The following CD58 variants were observed in gnomAD, a reference collection of about 807,000 sequenced individuals.
CD58 encodes the protein CD58 molecule, also known as lymphocyte function-associated antigen 3.
A neutral mutation model predicts 27.6 loss-of-function variants in CD58; 14 were observed. The observed-to-expected ratio is 0.51, with a 90% confidence interval of 0.34 to 0.79. The LOEUF (loss-of-function observed/expected upper bound fraction) is 0.79. CD58 is among the 30% of genes least tolerant of loss of function. The probability of loss-of-function intolerance (pLI) is 0.02; values close to 1 mark genes in which losing one functional copy is unlikely to be tolerated. For synonymous variants in CD58, 117 were observed against 103.8 expected, an observed-to-expected ratio of 1.13 and a Z score of -0.77; for missense variants, 268 against 301.7, an observed-to-expected ratio of 0.89 and a Z score of 0.83.
At chr1:116,556,084 C>T (rs181629524) in intron 1 of CD58, among the ~76,000 whole-genome samples, 78 of 151,862 alleles carry the variant, frequency 5.1e-4, no homozygotes, top group African/African-American at 1.8e-3. Flanking sequence ...GGTGAAACCC[C>T]GTCTCTACTA....
chr1:116,555,751 T>C (rs753369186), intron 1 of CD58, among the ~76,000 whole-genome samples: 31 of 152,238 alleles, frequency 2.0e-4, no homozygotes, highest in Non-Finnish European at 3.1e-4. Context: ...CCAAGTTTTA[T>C]AGATGAAGTA....
intron 1 of CD58, among the ~76,000 whole-genome samples, chr1:116,547,493 T>A (rs1220488231): frequency 6.7e-6 from 1 of 148,578 alleles, no homozygotes; most frequent in Non-Finnish European, 1.5e-5. Flanking sequence ...GCCCGGCTAA[T>A]TTTTTTTTTG....
At chr1:116,540,835 G>A (rs1244634705) in intron 2 of CD58, among the ~76,000 whole-genome samples, 3 of 151,990 alleles carry the variant, frequency 2.0e-5, no homozygotes, top group Non-Finnish European at 4.4e-5. Flanking sequence ...TTTGAGGCAG[G>A]GTCTTGGTCT....
At position 116,534,062 on chromosome 1, in the gene CD58, G is replaced by T; in HGVS notation, c.628+1903C>A. On this transcript the variant is annotated intron_variant, in intron 3 of 5. Transcript: ENST00000369489. This position sits in a 1 kb window ranked among gnomAD's most constrained non-coding sequence, Gnocchi z 5.3. ...TTAGCAGCTTCCACGAAATCTGAAG[G>T]AACCCCATCTGAAAAACTGTTATCT... The T allele has an allele frequency of 1.1e-6, 1 of 929,032 alleles. No individual in the cohort carries two copies. The allele number at this position is 929,032 out of a possible 1,614,324, so 57.5% of individuals were successfully genotyped here. A position where few individuals can be genotyped will look rare whatever the true frequency, so the allele number is the denominator to read the frequency against.
chr1:116,537,057 A>G (rs577186642), intron 2 of CD58, among the ~76,000 whole-genome samples: 21 of 152,316 alleles, frequency 1.4e-4, no homozygotes, highest in Middle Eastern at 3.4e-3. Context: ...GGAGTTCAAG[A>G]CCAGCCTGGG....
At chr1:116,547,394 C>T (rs1658219181) in intron 1 of CD58, among the ~76,000 whole-genome samples, 3 of 150,050 alleles carry the variant, frequency 2.0e-5, no homozygotes, top group South Asian at 4.2e-4. Flanking sequence ...GGCGTGATCT[C>T]GGCTCACTAA....
In CD58 at chr1:116,550,300, A is replaced by T. The variant is rs1374558088; in HGVS notation, c.71-5696T>A. On this transcript the variant is annotated intron_variant, in intron 1 of 5. Transcript: ENST00000369489. The surrounding 1 kb of genome is among the most constrained non-coding windows in gnomAD (Gnocchi z 4.2). Reference sequence around the variant, plus strand: ...AAAACTGCTTTCAAAATTAGAGTAAATTTTCTCAAATCCTGCTGCTGCTTT... The same window carrying T: ...AAAACTGCTTTCAAAATTAGAGTAATTTTTCTCAAATCCTGCTGCTGCTTT... Among the ~76,000 whole-genome samples the T allele has an allele frequency of 6.6e-6, 1 of 152,186 alleles. No homozygotes were observed. The highest frequency in any genetic ancestry group is 2.4e-5 in the African/African-American group (1 of 41,428).
At chr1:116,551,867 C>G (rs567597120) in intron 1 of CD58, among the ~76,000 whole-genome samples, 2 of 151,804 alleles carry the variant, frequency 1.3e-5, no homozygotes, top group Non-Finnish European at 2.9e-5. Context: ...AGCCTCCCAA[C>G]CAGCTGGGAT....
At chr1:116,566,015 C>A (rs1658921217) in intron 1 of CD58, among the ~76,000 whole-genome samples, 1 of 152,068 alleles carries the variant, frequency 6.6e-6, no homozygotes, top group Non-Finnish European at 1.5e-5. Flanking sequence ...CTGCACCCGG[C>A]CAGAATCCAA....
chr1:116,543,633 G>A (rs1027508741), intron 2 of CD58, among the ~76,000 whole-genome samples: 6 of 152,054 alleles, frequency 3.9e-5, no homozygotes, highest in Non-Finnish European at 7.4e-5. Flanking sequence ...AGTTTAAAAT[G>A]GTGCAGGAGC....
In CD58 at chr1:116,532,080, A is replaced by G. The variant is rs182259003; in HGVS notation, c.628+3885T>C. On this transcript the variant is annotated intron_variant, in intron 3 of 5. Coordinates refer to ENST00000369489, the MANE Select transcript of CD58 (RefSeq NM_001779.3). The surrounding 1 kb of genome is among the most constrained non-coding windows in gnomAD (Gnocchi z 5.1). ...TCCCAGCCCAGCCCCTCACTGGAGA[A>G]CACTGCCGAATCCCAACTCCGGCAG... Among the ~76,000 whole-genome samples, 60 of 152,354 alleles carry G rather than the reference A, an allele frequency of 3.9e-4. No individual in the cohort carries two copies. The highest frequency in any genetic ancestry group is 1.4e-3 in the African/African-American group (58 of 41,592).
intron 2 of CD58, among the ~76,000 whole-genome samples, chr1:116,542,133 C>T (rs1658007481): frequency 6.6e-6 from 1 of 152,182 alleles, no homozygotes; most frequent in African/African-American, 2.4e-5. Flanking sequence ...ACAAAATTAG[C>T]CAGGCATGGT....
Position 116,531,593 on chromosome 1 carries a change from A to G in CD58, c.628+4372T>C, listed in dbSNP as rs1306930887. Among the ~76,000 whole-genome samples, 2 of 152,246 alleles carry G rather than the reference A, an allele frequency of 1.3e-5. No individual in the cohort carries two copies. The highest frequency in any genetic ancestry group is 2.9e-5 in the Non-Finnish European group (2 of 68,036). ...AGGAATGTTTGCTCCAAGCTTAACT[A>G]TTTTAACTTTGCAGCTCGTTTTAAA... is the stretch of plus-strand genomic sequence containing the variant. On this transcript the variant is annotated intron_variant, in intron 3 of 5. Transcript: ENST00000369489. This position sits in a 1 kb window ranked among gnomAD's most constrained non-coding sequence, Gnocchi z 4.5.
At chr1:116,539,780 T>A (rs1657936214) in intron 2 of CD58, among the ~76,000 whole-genome samples, 1 of 152,210 alleles carries the variant, frequency 6.6e-6, no homozygotes, top group South Asian at 2.1e-4. Flanking sequence ...CTTTCATATT[T>A]TCTTGCTGCC....
rs1659088975 is a variant in CD58 at position 116,570,077 on chromosome 1, A to T, written c.70+826T>A. On this transcript the variant is annotated intron_variant, in intron 1 of 5. Coordinates refer to ENST00000369489, the MANE Select transcript of CD58 (RefSeq NM_001779.3). This position sits in a 1 kb window ranked among gnomAD's most constrained non-coding sequence, Gnocchi z 6.4. Reference sequence around the variant, plus strand: ...TGGCAGTGGGGTGCAGGAGCCAGCCATGAGAACCCCTCAAGTACAGTTGAA... The same window carrying T: ...TGGCAGTGGGGTGCAGGAGCCAGCCTTGAGAACCCCTCAAGTACAGTTGAA... 2.0e-5 allele frequency among the ~76,000 whole-genome samples: 3 copies of T among 152,222 alleles called. No individual in the cohort carries two copies. The highest frequency in any genetic ancestry group is 1.5e-5 in the Non-Finnish European group (1 of 68,042).
chr1:116,517,867 T>G lies in CD58; in HGVS notation c.743+1364A>C, dbSNP rs941188981. Among the ~76,000 whole-genome samples, 9 of 152,168 alleles carry G rather than the reference T, an allele frequency of 5.9e-5. No homozygotes were observed. Among genetic ancestry groups the G allele is most frequent in the African/African-American group, 2.2e-4 (9 of 41,442 alleles). Reference sequence around the variant, plus strand: ...ATACACCAGCACCCCAAAATCAACCTGTCAAAGCAAAAATTCATAATTTTC... The same window carrying G: ...ATACACCAGCACCCCAAAATCAACCGGTCAAAGCAAAAATTCATAATTTTC... On this transcript the variant is annotated intron_variant, in intron 5 of 5. Coordinates refer to ENST00000369489, the MANE Select transcript of CD58 (RefSeq NM_001779.3). This position sits in a 1 kb window ranked among gnomAD's most constrained non-coding sequence, Gnocchi z 6.5.
intron 2 of CD58, among the ~76,000 whole-genome samples, chr1:116,539,606 G>C (rs938616738): frequency 6.6e-6 from 1 of 152,232 alleles, no homozygotes; most frequent in African/African-American, 2.4e-5. Context: ...TAAGTTGCTA[G>C]AACTCCCTTG....
At chr1:116,569,597 CCTT>C (rs1659052307) in intron 1 of CD58, among the ~76,000 whole-genome samples, 1 of 142,276 alleles carries the variant, frequency 7.0e-6, no homozygotes, top group Non-Finnish European at 1.5e-5. Flanking sequence ...TCACAGCTCA[CCTT>C]TTTTTTTTTT....
chr1:116,535,710 G>A lies in CD58; in HGVS notation c.628+255C>T, dbSNP rs566335628. 2.0e-4 allele frequency among the ~76,000 whole-genome samples: 26 copies of A among 129,960 alleles called. 5 individuals carry two copies. Among genetic ancestry groups the A allele is most frequent in the South Asian group, 9.1e-4 (3 of 3,298 alleles). The allele number at this position is 129,960 out of a possible 152,430, so 85.3% of individuals were successfully genotyped here. A position where few individuals can be genotyped will look rare whatever the true frequency, so the allele number is the denominator to read the frequency against. The stretch of plus-strand genomic sequence containing the variant: ...CAAAAAATTAGCCGGGCGTGGTGGC[G>A]GGCGCCTGTAGTCCCAGCTACTCGG... On this transcript the variant is annotated intron_variant, in intron 3 of 5. Coordinates refer to ENST00000369489, the MANE Select transcript of CD58 (RefSeq NM_001779.3).
Sources: allele counts gnomAD v4.1 joint callset (sites outside exome capture counted in the v4.1 genomes callset), GRCh38; gene constraint gnomAD v4.1.1; non-coding constraint Gnocchi (gnomAD v3.1); transcripts MANE v1.5; gene names NCBI Gene and HGNC (gene_info 2026-07-23, HGNC 2026-07-21).